Variants in SLC25A20 observed in about 807,000 individuals in gnomAD.
SLC25A20 encodes solute carrier family 25 member 20.
In SLC25A20, 29 loss-of-function variants were observed where a neutral mutation model predicts 39.7. The observed-to-expected ratio is 0.73, with a 90% confidence interval of 0.54 to 1.00. SLC25A20 has a LOEUF of 1.00. SLC25A20 is among the 50% of genes least tolerant of loss of function. SLC25A20 has a pLI of 0.00. For missense variants in SLC25A20, 333 were observed against 379.9 expected, an observed-to-expected ratio of 0.88 and a Z score of 1.03; for synonymous variants, 103 against 142.2, an observed-to-expected ratio of 0.72 and a Z score of 1.96.
chr3:48,874,575 G>T (rs537954912), intron 4 of SLC25A20, among the ~76,000 whole-genome samples: 2 of 152,078 alleles, frequency 1.3e-5, no homozygotes, highest in Admixed American at 6.6e-5. Flanking sequence ...TCTGACAAAA[G>T]CCTCTGTGTA....
At chr3:48,882,459 C>T (rs981841793) in intron 3 of SLC25A20, among the ~76,000 whole-genome samples, 10 of 152,204 alleles carry the variant, frequency 6.6e-5, no homozygotes, top group African/African-American at 2.4e-4. Flanking sequence ...GCACCAGGTG[C>T]TGCCTATGAC....
At chr3:48,896,859 C>T (rs1199033403) in intron 1 of SLC25A20, among the ~76,000 whole-genome samples, 2 of 151,830 alleles carry the variant, frequency 1.3e-5, no homozygotes, top group African/African-American at 4.8e-5. Flanking sequence ...CACTTGCAAG[C>T]CACACTCACC....
At chr3:48,862,484 G>A in intron 5 of SLC25A20, 58 bp downstream of exon 5, 1 of 1,055,318 alleles carries the variant, frequency 9.5e-7, no homozygotes, top group South Asian at 1.3e-5. Flanking sequence ...ACCTTCTGCA[G>A]CAGACCCACC....
chr3:48,876,982 C>T (rs2083762993), intron 4 of SLC25A20, among the ~76,000 whole-genome samples: 1 of 151,580 alleles, frequency 6.6e-6, no homozygotes, highest in Non-Finnish European at 1.5e-5. Context: ...TGTAGTCCCA[C>T]CTACTAGGGA....
intron 4 of SLC25A20, among the ~76,000 whole-genome samples, chr3:48,864,649 A>G (rs2083652708): frequency 1.3e-5 from 2 of 151,954 alleles, no homozygotes; most frequent in Admixed American, 6.6e-5. Context: ...ATGTTATCTG[A>G]GAATGCTGGA....
At chr3:48,888,207 G>GAA (rs751937375) in intron 2 of SLC25A20, among the ~76,000 whole-genome samples, 8 of 44,222 alleles carry the variant, frequency 1.8e-4, no homozygotes, top group East Asian at 6.1e-4. Context: ...ACTCCATCTC[G>GAA]AAAAAAAAAA....
intron 3 of SLC25A20, among the ~76,000 whole-genome samples, chr3:48,882,700 G>GAC (rs1316079869): frequency 2.6e-5 from 4 of 151,796 alleles, no homozygotes; most frequent in South Asian, 2.1e-4. Context: ...CCGCCGCCCC[G>GAC]ACACACACAC....
chr3:48,888,452 C>A (rs989713213), intron 2 of SLC25A20, among the ~76,000 whole-genome samples: 4 of 151,658 alleles, frequency 2.6e-5, no homozygotes, highest in Non-Finnish European at 5.9e-5. Flanking sequence ...TGCCTGCAAT[C>A]CCAGCTACTC....
chr3:48,862,134 T>C (rs2083632297), intron 5 of SLC25A20, among the ~76,000 whole-genome samples: 1 of 152,236 alleles, frequency 6.6e-6, no homozygotes, highest in Non-Finnish European at 1.5e-5. Context: ...AGTTGTTGTA[T>C]CTGGCCTTCC....
At chr3:48,866,166 T>G (rs950103453) in intron 4 of SLC25A20, among the ~76,000 whole-genome samples, 10 of 151,676 alleles carry the variant, frequency 6.6e-5, no homozygotes, top group Admixed American at 1.3e-4. Context: ...CTAGTGACCT[T>G]GATAAAACCA....
intron 4 of SLC25A20, among the ~76,000 whole-genome samples, chr3:48,875,269 AT>A (rs1467970720): frequency 1.3e-5 from 2 of 151,162 alleles, no homozygotes; most frequent in East Asian, 4.0e-4. Flanking sequence ...CACCTGGCTA[AT>A]TTTTGTATTT....
intron 3 of SLC25A20, among the ~76,000 whole-genome samples, chr3:48,882,270 A>G (rs1022525225): frequency 3.9e-5 from 6 of 152,206 alleles, no homozygotes; most frequent in Non-Finnish European, 8.8e-5. Flanking sequence ...CCCAAATCCA[A>G]CTTCTTAAAG....
At chr3:48,875,456 C>G (rs1271586397) in intron 4 of SLC25A20, among the ~76,000 whole-genome samples, 1 of 152,102 alleles carries the variant, frequency 6.6e-6, no homozygotes, top group Non-Finnish European at 1.5e-5. Flanking sequence ...GTCACCCAGG[C>G]TAGAGTGCAG....
Position 48,892,056 on chromosome 3 carries a change from T to C in SLC25A20, c.122A>G (p.Gln41Arg), listed in dbSNP as rs1441860684. Residue 41 changes from glutamine to arginine, a missense_variant, in exon 2 of 9, where the codon CAG becomes CGG. Coordinates refer to ENST00000319017, the MANE Select transcript of SLC25A20 (RefSeq NM_000387.6). ...AGGTTGTCCAGGCAAACTCGGTGGC[T>C]GTGTCTGCAGTCGGACCTGAAAACA... ...LDTVKVRLQTQPPSLPGQPPM... is the reference protein window; with the variant it reads ...LDTVKVRLQTRPPSLPGQPPM... The C allele has an allele frequency of 6.2e-7, 1 of 1,613,858 alleles. No individual in the cohort carries two copies. Among genetic ancestry groups the C allele is most frequent in the Non-Finnish European group, 8.5e-7 (1 of 1,179,898 alleles).
In SLC25A20 at chr3:48,884,101, T is replaced by A; in HGVS notation, c.222A>T (p.Gly74=). The part of the protein sequence containing the change: ...FREGITGLYR[G]MAAPIIGVTP... ...TGACCCCGATGATAGGGGCAGCCATTCCCCGATATAGCCCCGTGATGCCCT... is the reference window on the plus strand; with the variant it reads ...TGACCCCGATGATAGGGGCAGCCATACCCCGATATAGCCCCGTGATGCCCT... Residue 74 remains glycine (G), a synonymous_variant, in exon 3 of 9, where the codon GGA becomes GGT. Transcript: ENST00000319017. 6.2e-7 allele frequency: 1 copy of A among 1,613,638 alleles called. No individual in the cohort carries two copies. Among genetic ancestry groups the A allele is most frequent in the Non-Finnish European group, 8.5e-7 (1 of 1,179,726 alleles).
At chr3:48,875,435 T>A (rs1476408291) in intron 4 of SLC25A20, among the ~76,000 whole-genome samples, 2 of 151,286 alleles carry the variant, frequency 1.3e-5, no homozygotes, top group Non-Finnish European at 2.9e-5. Context: ...TTTGATTTAG[T>A]TTTTCGCTTT....
intron 4 of SLC25A20, among the ~76,000 whole-genome samples, chr3:48,874,871 AC>A (rs568298595): frequency 6.7e-6 from 1 of 149,444 alleles, no homozygotes; most frequent in East Asian, 2.0e-4. Flanking sequence ...ACATGGTGAG[AC>A]CCCCCCACCA....
At chr3:48,859,681 T>C (rs947636381) in intron 5 of SLC25A20, 54 bp from the exon 6 acceptor site, 6 of 1,386,356 alleles carry the variant, frequency 4.3e-6, no homozygotes, top group Non-Finnish European at 4.1e-6. Context: ...TCGCCAGGCA[T>C]GGTGGTACAC....
chr3:48,878,140 G>C (rs1401993983), intron 4 of SLC25A20, among the ~76,000 whole-genome samples: 1 of 149,086 alleles, frequency 6.7e-6, no homozygotes, highest in Non-Finnish European at 1.5e-5. Flanking sequence ...ACATGCCTGT[G>C]GTCCCAGCTA....
Sources: allele counts gnomAD v4.1 joint callset (sites outside exome capture counted in the v4.1 genomes callset), GRCh38; gene constraint gnomAD v4.1.1; transcripts MANE v1.5; gene names NCBI Gene and HGNC (gene_info 2026-07-23, HGNC 2026-07-21).